Variants in FAM9C observed in about 807,000 individuals in gnomAD.
FAM9C encodes the protein family with sequence similarity 9 member C, also known as protein FAM9C.
In FAM9C, 15 loss-of-function variants were observed where a neutral mutation model predicts 14.8. The ratio of observed to expected loss-of-function variants is 1.02; its 90% CI spans 0.68 to 1.56. The LOEUF (loss-of-function observed/expected upper bound fraction) is 1.56. FAM9C is among the 40% of genes most tolerant of loss of function. The probability of loss-of-function intolerance (pLI) is 0.00; values close to 1 mark genes in which losing one functional copy is unlikely to be tolerated. For synonymous variants in FAM9C, 45 were observed against 37.5 expected, an observed-to-expected ratio of 1.20 and a Z score of -0.74; for missense variants, 116 against 118.0, an observed-to-expected ratio of 0.98 and a Z score of 0.08.
chrX:13,042,601 A>C, intron 4 of FAM9C: 2 of 291,025 alleles, frequency 6.9e-6, no homozygotes. Flanking sequence ...ATATGACTTA[A>C]TGTGTGTACA....
In FAM9C at chrX:13,039,915, G is replaced by A. The variant is rs779904843; in HGVS notation, c.331C>T (p.Gln111Ter). 1 of 1,194,702 alleles carries A rather than the reference G, an allele frequency of 8.4e-7. No homozygotes were observed. The highest frequency in any genetic ancestry group is 1.1e-6 in the Non-Finnish European group (1 of 885,285). ...AGAGAAATTCTATAATCACGTTTCT[G>A]CCTGTAACACATAATAAGTAACAAG... ...NVLRTTQLKR[Q>*]KRDYRISLKL... is the part of the protein sequence containing the mutation. The change falls in exon 6 of 8, where the codon CAG (glutamine) becomes TAG (stop). Residue 111 changes from glutamine to a stop codon, truncating the protein, a stop_gained and splice_region_variant. Transcript: ENST00000380625. LOFTEE classifies it high-confidence loss of function.
In FAM9C at chrX:13,040,769, T is replaced by C. The variant is rs902496707; in HGVS notation, c.318A>G (p.Thr106=). Reference sequence around the variant, plus strand: ...GCCAACAATCATACCTTTTTAGTTGTGTTGTTCTCAAAACATTTTTAATTC... The same window carrying C: ...GCCAACAATCATACCTTTTTAGTTGCGTTGTTCTCAAAACATTTTTAATTC... ...KNRIKNVLRT[T]QLKRQKRDYR... The change falls in exon 5 of 8, where the codon ACA becomes ACG. Residue 106 remains threonine (T), a synonymous_variant. Coordinates refer to ENST00000380625, the MANE Select transcript of FAM9C (RefSeq NM_174901.6). 4 of 1,170,361 alleles carry C rather than the reference T, an allele frequency of 3.4e-6. No homozygotes were observed. In the East Asian group the frequency reaches 9.0e-5, roughly 26 times the overall value.
rs767055643 is a variant in FAM9C, at chrX:13,042,914, A to T, written c.214+4T>A. 5 of 1,206,986 alleles carry T rather than the reference A, an allele frequency of 4.1e-6. No homozygotes were observed. The South Asian group carries it at 9.0e-5, about 22-fold the overall frequency. On this transcript the variant is annotated splice_donor_region_variant and intron_variant, in intron 4 of 7. Transcript: ENST00000380625. ...ATAAACCACAAATAGCTCGTAAAACATACCTGCAATATCTTCTAGCTCCTT... is the reference window on the plus strand; with the variant it reads ...ATAAACCACAAATAGCTCGTAAAACTTACCTGCAATATCTTCTAGCTCCTT...
intron 6 of FAM9C, among the ~76,000 whole-genome samples, chrX:13,039,482 C>A (rs1302559485): frequency 9.0e-6 from 1 of 111,638 alleles, no homozygotes; most frequent in Non-Finnish European, 1.9e-5. Context: ...GTCATCATAA[C>A]CCCATCCCTG....
chrX:13,043,156 A>G lies in FAM9C; in HGVS notation c.154T>C (p.Ser52Pro). 8.3e-7 allele frequency: 1 copy of G among 1,209,682 alleles called. No individual in the cohort carries two copies. ...GTGTGTTCATCTGTTTCAGCAAAAG[A>G]TCCTCTTTCCCCATGCTCATCAGTT... ...DVTDEHGERGSFAETDEHTGV... is the reference protein window; with the variant it reads ...DVTDEHGERGPFAETDEHTGV... The change falls in exon 3 of 8, where the codon TCT becomes CCT. Residue 52 changes from serine to proline, a missense_variant. Transcript: ENST00000380625.
At chrX:13,043,591 G>T in intron 2 of FAM9C, 138 bp downstream of exon 2, 1 of 735,882 alleles carries the variant, frequency 1.4e-6, no homozygotes, top group Non-Finnish European at 2.0e-6. Context: ...AAAACCTGGG[G>T]CATCTCAGCA....
rs1414393935 is a variant in FAM9C at position 13,039,834 on chromosome X, C to A, written c.412G>T (p.Gly138Ter). 3 of 1,206,704 alleles carry A rather than the reference C, an allele frequency of 2.5e-6. No individual in the cohort carries two copies. In the African/African-American group the frequency reaches 5.2e-5, roughly 21 times the overall value. The stretch of plus-strand genomic sequence containing the variant: ...ATTTGTTCTTCCTTTTCTCCATCTC[C>A]TTCCTCATCTTTCTGCTCATCTGTG... Reference protein sequence around the residue: ...FITDEQKDEEGDGEKEEQIKI... With the variant: ...FITDEQKDEE Residue 138 changes from glycine to a stop codon, truncating the protein, a stop_gained, in exon 6 of 8, where the codon GGA (glycine) becomes TGA (stop). Coordinates refer to ENST00000380625, the MANE Select transcript of FAM9C (RefSeq NM_174901.6). LOFTEE classifies it high-confidence loss of function.
rs1441261029 is a variant in FAM9C, at chrX:13,044,231, G to T, written c.-69+309C>A. Reference sequence around the variant, plus strand: ...TGACAGGGGCAGGGACTGCCCATTCGCCAGCCTGGACGCCCAGGGGACCCC... The same window carrying T: ...TGACAGGGGCAGGGACTGCCCATTCTCCAGCCTGGACGCCCAGGGGACCCC... On this transcript the variant is annotated intron_variant, in intron 1 of 7. Coordinates refer to ENST00000380625, the MANE Select transcript of FAM9C (RefSeq NM_174901.6). Among the ~76,000 whole-genome samples the T allele has an allele frequency of 8.1e-5, 9 of 111,458 alleles. No homozygotes were observed. The Admixed American group carries it at 8.4e-4, about 10-fold the overall frequency.
intron 4 of FAM9C, 151 bp from the exon 5 acceptor site, chrX:13,041,023 CT>C: frequency 2.9e-6 from 1 of 349,707 alleles, no homozygotes; most frequent in Non-Finnish European, 4.9e-6. Flanking sequence ...GCAAGATTTA[CT>C]TACTTTATGT....
At chrX:13,042,378 G>A (rs1337584828) in intron 4 of FAM9C, 1 of 111,957 alleles carries the variant, frequency 8.9e-6, no homozygotes, top group Non-Finnish European at 1.9e-5. Flanking sequence ...AGTACATACG[G>A]ACAGGAAGAG....
At chrX:13,040,007 A>G in intron 5 of FAM9C, 91 bp from the exon 6 acceptor site, 2 of 749,885 alleles carry the variant, frequency 2.7e-6, no homozygotes, top group Admixed American at 3.5e-5. Context: ...CATAGTTTGT[A>G]CTATAAAGTA....
At chrX:13,043,279 T>A (rs1207677873) in intron 2 of FAM9C, 31 bp from the exon 3 acceptor site, 2 of 1,180,579 alleles carry the variant, frequency 1.7e-6, no homozygotes, top group Non-Finnish European at 2.3e-6. Flanking sequence ...CAAACCTTTT[T>A]TAGAGGAAGA....
intron 4 of FAM9C, chrX:13,042,662 C>T: frequency 2.4e-6 from 1 of 411,009 alleles, no homozygotes; most frequent in Non-Finnish European, 4.3e-6. Flanking sequence ...CTAATATCCC[C>T]CAAACAATTA....
At chrX:13,043,615 C>A in intron 2 of FAM9C, 114 bp downstream of exon 2, 1 of 933,897 alleles carries the variant, frequency 1.1e-6, no homozygotes, top group Non-Finnish European at 1.5e-6. Context: ...GCACGGTGAG[C>A]TCCAAAGCCA....
rs147835818 is a variant in FAM9C at position 13,043,735 on chromosome X, G to A, written c.55C>T (p.Leu19Phe). ...VQVMAAQEME[L>F]AGKDPVSHEH... The stretch of plus-strand genomic sequence containing the variant: ...CCCCTTGGGCTGTGTTTACCTGCAA[G>A]CTCCATTTCCTGGGCGGCCATAACT... Residue 19 changes from leucine (L) to phenylalanine (F), a missense_variant, in exon 2 of 8, where the codon CTT becomes TTT. By Grantham distance (22) the Leu-to-Phe change is conservative. Coordinates refer to ENST00000380625, the MANE Select transcript of FAM9C (RefSeq NM_174901.6). 2.6e-5 allele frequency: 32 copies of A among 1,212,114 alleles called. No homozygotes were observed. The highest frequency in any genetic ancestry group is 3.6e-5 in the Non-Finnish European group (32 of 895,468).
chrX:13,043,174 C>T lies in FAM9C; in HGVS notation c.136G>A (p.Glu46Lys). 8.3e-7 allele frequency: 1 copy of T among 1,211,287 alleles called. No individual in the cohort carries two copies. The highest frequency in any genetic ancestry group is 1.7e-5 in the African/African-American group (1 of 57,814). The change falls in exon 3 of 8, where the codon GAG becomes AAG. Residue 46 changes from glutamate to lysine, a missense_variant. Glu to Lys is a moderately conservative substitution (Grantham distance 56). Transcript: ENST00000380625. ...TETKEGDVTD[E>K]HGERGSFAET... ...GCAAAAGATCCTCTTTCCCCATGCT[C>T]ATCAGTTACATCTCCCTCCTTTGTC...
chrX:13,043,682 A>ACCGTC, intron 2 of FAM9C, 47 bp downstream of exon 2: 16 of 1,194,894 alleles, frequency 1.3e-5, no homozygotes, highest in Non-Finnish European at 1.8e-5. Context: ...AAGCAGACAG[A>ACCGTC]CTGTTGGGCG....
rs1279201269 is a variant in FAM9C at position 13,042,915 on chromosome X, T to C, written c.214+3A>G. On this transcript the variant is annotated splice_donor_region_variant and intron_variant, in intron 4 of 7. Transcript: ENST00000380625. ...TAAACCACAAATAGCTCGTAAAACA[T>C]ACCTGCAATATCTTCTAGCTCCTTG... 1 of 1,206,981 alleles carries C rather than the reference T, an allele frequency of 8.3e-7. No individual in the cohort carries two copies. The highest frequency in any genetic ancestry group is 2.2e-5 in the Admixed American group (1 of 45,124).
intron 4 of FAM9C, 161 bp from the exon 5 acceptor site, chrX:13,041,033 G>A (rs1324325890): frequency 4.5e-5 from 15 of 332,880 alleles, no homozygotes; most frequent in South Asian, 2.7e-4. Context: ...CTTACTTTAT[G>A]TAAAACCTTT....
Sources: gnomAD v4.1 joint callset for allele counts (sites outside exome capture counted in the v4.1 genomes callset) on GRCh38, gnomAD v4.1.1 for gene constraint, MANE v1.5 for transcripts, NCBI Gene and HGNC (gene_info 2026-07-23, HGNC 2026-07-21) for gene names.